Variants in RPF2 observed in about 807,000 individuals in gnomAD.
RPF2 encodes ribosome production factor 2 homolog, also known as brix domain containing 1.
A neutral mutation model predicts 38.9 loss-of-function variants in RPF2; 21 were observed. That is an observed-to-expected ratio of 0.54 (90% CI 0.38 to 0.78). RPF2 has a LOEUF of 0.78. RPF2 is among the 30% of genes least tolerant of loss of function. The probability of loss-of-function intolerance (pLI) is 0.00; values close to 1 mark genes in which losing one functional copy is unlikely to be tolerated. For missense variants in RPF2, 314 were observed against 358.1 expected (o/e 0.88, Z 0.99); for synonymous variants, 121 against 126.2 (o/e 0.96, Z 0.28).
intron 8 of RPF2, among the ~76,000 whole-genome samples, chr6:111,023,692 G>A (rs1349968605): frequency 6.6e-6 from 1 of 151,950 alleles, no homozygotes; most frequent in African/African-American, 2.4e-5. Flanking sequence ...AGGGATAAAA[G>A]ACTTATAAAG....
intron 2 of RPF2, among the ~76,000 whole-genome samples, chr6:110,988,764 G>A (rs1008633959): frequency 2.6e-5 from 4 of 152,152 alleles, no homozygotes; most frequent in Admixed American, 6.6e-5. Context: ...GGACTAAGTC[G>A]AGTTTAAAGA....
At chr6:111,021,730 C>T (rs1772238370) in intron 8 of RPF2, among the ~76,000 whole-genome samples, 1 of 152,178 alleles carries the variant, frequency 6.6e-6, no homozygotes. Flanking sequence ...GAAAGTATGT[C>T]TGACTTAACT....
intron 9 of RPF2, among the ~76,000 whole-genome samples, chr6:111,025,133 A>G (rs934348566): frequency 1.1e-4 from 17 of 152,320 alleles, no homozygotes; most frequent in African/African-American, 3.1e-4. Context: ...TTTGTTTTTC[A>G]AAGTGTGGCC....
intron 5 of RPF2, among the ~76,000 whole-genome samples, chr6:110,997,931 G>A (rs1235016569): frequency 6.8e-6 from 1 of 147,144 alleles, no homozygotes; most frequent in African/African-American, 2.5e-5. Flanking sequence ...ACGGAGTCTT[G>A]GTCTGCTCCA....
intron 6 of RPF2, among the ~76,000 whole-genome samples, chr6:111,005,496 T>C (rs958063397): frequency 1.3e-5 from 2 of 152,238 alleles, no homozygotes; most frequent in African/African-American, 4.8e-5. Context: ...AATCTACAAC[T>C]GGTGAAAATA....
rs1262127688 is a variant in RPF2, at chr6:111,026,848, T to A, written c.*1266T>A. On this transcript the variant is annotated 3_prime_UTR_variant, in exon 10 of 10. Coordinates refer to ENST00000441448, the MANE Select transcript of RPF2 (RefSeq NM_032194.3). ...TTGTAAAGGTACAGACATACGCAAA[T>A]CATAATTTGTTACATGAAGTACCAG... is the stretch of plus-strand genomic sequence containing the variant. 6.6e-6 allele frequency: 1 copy of A among 152,188 alleles called. No individual in the cohort carries two copies. Among genetic ancestry groups the A allele is most frequent in the Admixed American group, 6.6e-5 (1 of 15,264 alleles). The allele number at this position is 152,188 out of a possible 1,614,324, so 9.4% of individuals were successfully genotyped here.
At chr6:111,001,433 A>G (rs903394898) in intron 6 of RPF2, among the ~76,000 whole-genome samples, 2 of 151,526 alleles carry the variant, frequency 1.3e-5, no homozygotes, top group African/African-American at 4.9e-5. Context: ...GCTGGGGCGC[A>G]GTGGCGCGAT....
chr6:111,019,057 A>G (rs891140441), intron 8 of RPF2, among the ~76,000 whole-genome samples: 2 of 152,144 alleles, frequency 1.3e-5, no homozygotes, highest in Non-Finnish European at 2.9e-5. Context: ...TCTACTAAAA[A>G]TACAAAAATT....
At chr6:110,993,126 G>A (rs552261963) in intron 4 of RPF2, among the ~76,000 whole-genome samples, 1 of 152,000 alleles carries the variant, frequency 6.6e-6, no homozygotes, top group Non-Finnish European at 1.5e-5. Flanking sequence ...GCTAATTTTT[G>A]TAGAGATAGG....
intron 2 of RPF2, 66 bp from the exon 3 acceptor site, chr6:110,988,962 G>A (rs1583258450): frequency 1.9e-6 from 3 of 1,546,178 alleles, no homozygotes. Flanking sequence ...CTGTTATGAT[G>A]CTTTATTTTT....
chr6:111,008,214 A>G (rs1239045771), intron 7 of RPF2, 77 bp downstream of exon 7: 3 of 1,442,310 alleles, frequency 2.1e-6, no homozygotes, highest in South Asian at 1.6e-5. Context: ...GCACTTTGCT[A>G]CTTTAGGTTT....
At chr6:111,010,119 T>TC (rs1373339442) in intron 7 of RPF2, among the ~76,000 whole-genome samples, 2 of 146,152 alleles carry the variant, frequency 1.4e-5, no homozygotes, top group East Asian at 5.4e-4. Context: ...CCTCAATTTT[T>TC]TTTTTTTTCT....
At position 110,988,999 on chromosome 6, in the gene RPF2, T is replaced by G. The variant is rs375707321; in HGVS notation, c.157-29T>G. On this transcript the variant is annotated intron_variant, in intron 2 of 9. Transcript: ENST00000441448. ...TTTCTGCTTTTCAGAATGTGTTTTG[T>G]TTTGAAAGCTATAAATTTTGTTTTA... The G allele has an allele frequency of 3.1e-6, 5 of 1,593,318 alleles. No homozygotes were observed. In the African/African-American group the frequency reaches 5.4e-5, roughly 17 times the overall value.
chr6:110,986,773 G>A (rs1387964679), intron 2 of RPF2, among the ~76,000 whole-genome samples: 1 of 151,974 alleles, frequency 6.6e-6, no homozygotes, highest in Non-Finnish European at 1.5e-5. Context: ...CTAACACGGT[G>A]AAATCCTGTC....
intron 9 of RPF2, among the ~76,000 whole-genome samples, chr6:111,024,637 G>A (rs979400323): frequency 1.5e-4 from 23 of 151,556 alleles, no homozygotes; most frequent in African/African-American, 4.6e-4. Context: ...GGCGTGAACC[G>A]GGGAGGTGGA....
rs558427924 is a variant in RPF2 at position 110,998,146 on chromosome 6, C to A, written c.316+882C>A. ...TCTTGAACTCCTGACCTCAAGTGATCCACCCGCCTTGGCCTCCTGAAGTGC... is the reference window on the plus strand; with the variant it reads ...TCTTGAACTCCTGACCTCAAGTGATACACCCGCCTTGGCCTCCTGAAGTGC... On this transcript the variant is annotated intron_variant, in intron 5 of 9. Coordinates refer to ENST00000441448, the MANE Select transcript of RPF2 (RefSeq NM_032194.3). 1.2e-4 allele frequency among the ~76,000 whole-genome samples: 18 copies of A among 152,242 alleles called. No individual in the cohort carries two copies. The East Asian group carries it at 3.5e-3, about 30-fold the overall frequency.
intron 4 of RPF2, among the ~76,000 whole-genome samples, 153 bp from the exon 5 acceptor site, chr6:110,997,030 G>A (rs1040568497): frequency 2.0e-5 from 3 of 152,132 alleles, no homozygotes; most frequent in South Asian, 4.1e-4. Flanking sequence ...TCAAACTCCT[G>A]ATCTCAAGTA....
At chr6:111,008,951 G>A (rs1771965480) in intron 7 of RPF2, among the ~76,000 whole-genome samples, 1 of 142,052 alleles carries the variant, frequency 7.0e-6, no homozygotes, top group South Asian at 2.3e-4. Flanking sequence ...CCAGGCTGGA[G>A]CACAATGGTG....
intron 8 of RPF2, among the ~76,000 whole-genome samples, chr6:111,021,754 A>G (rs1772238720): frequency 6.6e-6 from 1 of 152,218 alleles, no homozygotes; most frequent in Non-Finnish European, 1.5e-5. Flanking sequence ...CTCCCCAGGC[A>G]TTCTTTGGGC....
Sources: gnomAD v4.1 joint callset for allele counts (sites outside exome capture counted in the v4.1 genomes callset) on GRCh38, gnomAD v4.1.1 for gene constraint, MANE v1.5 for transcripts, NCBI Gene and HGNC (gene_info 2026-07-23, HGNC 2026-07-21) for gene names.